Variants in EML5 observed in about 807,000 individuals in gnomAD.
EML5 encodes the protein echinoderm microtubule-associated protein-like 5.
Under a neutral mutation model 250.0 loss-of-function variants are expected in EML5, and 120 were observed. The observed-to-expected ratio is 0.48, with a 90% CI of 0.41 to 0.56. The LOEUF (loss-of-function observed/expected upper bound fraction) is 0.56, where lower values mean the gene tolerates loss of function less well. Among genes scored for constraint, EML5 ranks in the 20% least tolerant of loss-of-function variants. The probability of loss-of-function intolerance (pLI) is 0.00; values close to 1 mark genes in which losing one functional copy is unlikely to be tolerated. For synonymous variants in EML5, 771 were observed against 806.5 expected (o/e 0.96, Z 0.75); for missense variants, 2,006 against 2,437.6 (o/e 0.82, Z 3.73).
intron 17 of EML5, among the ~76,000 whole-genome samples, chr14:88,693,507 C>T (rs2093005997): frequency 6.6e-6 from 1 of 152,168 alleles, no homozygotes; most frequent in Admixed American, 6.5e-5. Flanking sequence ...CTCTACCTGG[C>T]CCTGCCCTTG....
chr14:88,633,307 A>C (rs1254916280), intron 33 of EML5, among the ~76,000 whole-genome samples: 1 of 152,026 alleles, frequency 6.6e-6, no homozygotes, highest in Non-Finnish European at 1.5e-5. Flanking sequence ...TATTTTGTAG[A>C]GACAGGGTCT....
rs184839577 is a variant in EML5, at chr14:88,665,644, T to C, written c.3125-155A>G. On this transcript the variant is annotated intron_variant, in intron 21 of 43. Transcript: ENST00000554922. ...GAGGTTAAGACCAGCCCGGGCAACA[T>C]AGCAAGACCCCATCTCTGCCAGTAG... is the stretch of plus-strand genomic sequence containing the variant. Among the ~76,000 whole-genome samples, 20 of 151,580 alleles carry C rather than the reference T, an allele frequency of 1.3e-4. No individual in the cohort carries two copies. In the East Asian group the frequency reaches 3.3e-3, roughly 25 times the overall value.
chr14:88,741,219 G>A (rs886647342), intron 4 of EML5, among the ~76,000 whole-genome samples: 3 of 151,860 alleles, frequency 2.0e-5, no homozygotes, highest in African/African-American at 7.3e-5. Flanking sequence ...TGAAAATGAA[G>A]GTAAGTCATC....
intron 10 of EML5, among the ~76,000 whole-genome samples, chr14:88,707,228 G>A (rs1333601386): frequency 6.6e-6 from 1 of 151,942 alleles, no homozygotes; most frequent in African/African-American, 2.4e-5. Flanking sequence ...ATTTAACTTT[G>A]TGGTTAATTT....
At chr14:88,720,861 C>T (rs1411608859) in intron 8 of EML5, among the ~76,000 whole-genome samples, 1 of 152,044 alleles carries the variant, frequency 6.6e-6, no homozygotes, top group Non-Finnish European at 1.5e-5. Flanking sequence ...TGACATGATC[C>T]TATATCTAGA....
At chr14:88,733,411 T>C (rs1370601918) in intron 7 of EML5, among the ~76,000 whole-genome samples, 1 of 152,242 alleles carries the variant, frequency 6.6e-6, no homozygotes, top group Non-Finnish European at 1.5e-5. Context: ...GCTTTTAAGG[T>C]GATTGACATT....
At chr14:88,773,103 T>A (rs1366373470) in intron 1 of EML5, among the ~76,000 whole-genome samples, 8 of 152,238 alleles carry the variant, frequency 5.3e-5, no homozygotes, top group Non-Finnish European at 1.2e-4. Flanking sequence ...TTACTTGATC[T>A]TTTAACAATC....
In EML5 at chr14:88,622,145, G is replaced by C. The variant is rs867689903; in HGVS notation, c.5013+459C>G. 14 of 183,686 alleles carry C rather than the reference G, an allele frequency of 7.6e-5. No homozygotes were observed. The Middle Eastern group carries it at 2.8e-3, about 36-fold the overall frequency. 11.4% of individuals were successfully genotyped at this position (183,686 alleles called of 1,614,324 possible). ...ACATGTATTTATCTTTCTGTGCCTGGCTTATTTCACTTCACATCATGTCCT... is the reference window on the plus strand; with the variant it reads ...ACATGTATTTATCTTTCTGTGCCTGCCTTATTTCACTTCACATCATGTCCT... On this transcript the variant is annotated intron_variant, in intron 37 of 43. Transcript: ENST00000554922.
chr14:88,663,650 A>G (rs1275707163), intron 23 of EML5, among the ~76,000 whole-genome samples: 2 of 152,188 alleles, frequency 1.3e-5, no homozygotes, highest in Non-Finnish European at 2.9e-5. Flanking sequence ...ATATCAAACA[A>G]TGAGAAAAAT....
At chr14:88,670,319 C>CAAAAA (rs34008480) in intron 21 of EML5, among the ~76,000 whole-genome samples, 1 of 81,210 alleles carries the variant, frequency 1.2e-5, no homozygotes, top group East Asian at 3.1e-4. Context: ...GACTCCATCT[C>CAAAAA]AAAAAAAAAA....
chr14:88,691,190 C>T (rs2092950411), intron 17 of EML5, among the ~76,000 whole-genome samples: 1 of 152,156 alleles, frequency 6.6e-6, no homozygotes, highest in African/African-American at 2.4e-5. Context: ...CAGAAGGACA[C>T]ACTAGGATCT....
At chr14:88,738,018 T>C (rs1216039025) in intron 6 of EML5, among the ~76,000 whole-genome samples, 1 of 152,178 alleles carries the variant, frequency 6.6e-6, no homozygotes, top group African/African-American at 2.4e-5. Context: ...TACCGTGTTT[T>C]TCAGTTTTCT....
At chr14:88,787,942 C>T (rs1380184853) in intron 1 of EML5, among the ~76,000 whole-genome samples, 3 of 152,158 alleles carry the variant, frequency 2.0e-5, no homozygotes, top group East Asian at 3.8e-4. Flanking sequence ...GTTTCCCAAA[C>T]AGAATAATCT....
At chr14:88,660,636 AG>A (rs1259836942) in intron 25 of EML5, among the ~76,000 whole-genome samples, 2 of 151,904 alleles carry the variant, frequency 1.3e-5, no homozygotes, top group Non-Finnish European at 2.9e-5. Flanking sequence ...CCAGCTACTC[AG>A]GGGGCTGAGG....
intron 13 of EML5, among the ~76,000 whole-genome samples, chr14:88,704,213 C>T (rs995985805): frequency 1.3e-5 from 2 of 152,120 alleles, no homozygotes; most frequent in Admixed American, 1.3e-4. Flanking sequence ...TTAGTTCATA[C>T]AAGATCTGAT....
chr14:88,670,309 G>C (rs775423158), intron 21 of EML5, among the ~76,000 whole-genome samples: 32 of 121,500 alleles, frequency 2.6e-4, no homozygotes, highest in Non-Finnish European at 4.7e-4. Context: ...GATAGAGCAG[G>C]ACTCCATCTC....
chr14:88,754,703 A>G (rs755746314), intron 1 of EML5, 32 bp from the exon 2 acceptor site: 8 of 1,545,800 alleles, frequency 5.2e-6, no homozygotes, highest in Non-Finnish European at 7.0e-6. Context: ...AAGTAGTATT[A>G]TTAAAAATTG....
intron 14 of EML5, among the ~76,000 whole-genome samples, chr14:88,699,138 A>G (rs1278219511): frequency 6.6e-6 from 1 of 152,134 alleles, no homozygotes; most frequent in Non-Finnish European, 1.5e-5. Context: ...GAGTTCTCAG[A>G]TAGGCTTAGC....
intron 1 of EML5, among the ~76,000 whole-genome samples, chr14:88,776,631 A>G (rs1228074576): frequency 6.6e-6 from 1 of 152,078 alleles, no homozygotes; most frequent in Admixed American, 6.6e-5. Context: ...CTGTAATCCC[A>G]GCACTTTGGG....
Sources: allele counts gnomAD v4.1 joint callset (sites outside exome capture counted in the v4.1 genomes callset), GRCh38; gene constraint gnomAD v4.1.1; transcripts MANE v1.5; gene names NCBI Gene and HGNC (gene_info 2026-07-23, HGNC 2026-07-21).